The following EIF2AK2 variants were observed in gnomAD, a reference collection of about 807,000 sequenced individuals.
The protein encoded by EIF2AK2 is eukaryotic translation initiation factor 2 alpha kinase 2, also known as interferon-induced, double-stranded RNA-activated protein kinase.
Under a neutral mutation model 70.5 loss-of-function variants are expected in EIF2AK2, and 40 were observed. The observed-to-expected ratio is 0.57, with a 90% CI of 0.44 to 0.74. The LOEUF (loss-of-function observed/expected upper bound fraction) is 0.74. EIF2AK2 is among the 30% of genes least tolerant of loss of function. The pLI, the probability that EIF2AK2 is intolerant of heterozygous loss-of-function variation, is 0.00. For missense variants in EIF2AK2, 555 were observed against 644.3 expected (o/e 0.86, Z 1.50); for synonymous variants, 198 against 220.9 (o/e 0.90, Z 0.92).
intron 10 of EIF2AK2, among the ~76,000 whole-genome samples, chr2:37,126,652 T>C (rs558636150): frequency 2.0e-5 from 3 of 152,136 alleles, no homozygotes; most frequent in Non-Finnish European, 4.4e-5. Flanking sequence ...AGTCAACTCC[T>C]GGCTTTTCAA....
At position 37,117,872 on chromosome 2, in the gene EIF2AK2, G is replaced by T. The variant is rs541557255; in HGVS notation, c.1248+2087C>A. ...CTGTGTTAGGTAAAGACCATTCTCT[G>T]GCAAAACCACCTACAGCTGCTATTT... On this transcript the variant is annotated intron_variant, in intron 13 of 16. Coordinates refer to ENST00000233057, the MANE Select transcript of EIF2AK2 (RefSeq NM_001135651.3). Among the ~76,000 whole-genome samples, 5 of 152,274 alleles carry T rather than the reference G, an allele frequency of 3.3e-5. No homozygotes were observed. The East Asian group carries it at 9.7e-4, about 29-fold the overall frequency.
rs1159882073 is a variant in EIF2AK2 at position 37,103,163 on chromosome 2, A to G, written c.*4110T>C. 2 of 151,440 alleles carry G rather than the reference A, an allele frequency of 1.3e-5. No homozygotes were observed. The highest frequency in any genetic ancestry group is 4.9e-5 in the African/African-American group (2 of 41,224). The allele number at this position is 151,440 out of a possible 1,614,324, so 9.4% of individuals were successfully genotyped here. On this transcript the variant is annotated 3_prime_UTR_variant, in exon 17 of 17. Coordinates refer to ENST00000233057, the MANE Select transcript of EIF2AK2 (RefSeq NM_001135651.3). Reference sequence around the variant, plus strand: ...GAAGTTGCTAAGAAATGCTATATTCATTTAATAAGAGTAGGAATATATATA... The same window carrying G: ...GAAGTTGCTAAGAAATGCTATATTCGTTTAATAAGAGTAGGAATATATATA...
intron 4 of EIF2AK2, among the ~76,000 whole-genome samples, chr2:37,144,579 T>G (rs1370286117): frequency 6.6e-6 from 1 of 151,848 alleles, no homozygotes; most frequent in Non-Finnish European, 1.5e-5. Flanking sequence ...TGTTGTAATT[T>G]TTTTTCTTTC....
intron 10 of EIF2AK2, among the ~76,000 whole-genome samples, chr2:37,131,368 C>T (rs999059300): frequency 1.3e-5 from 2 of 152,200 alleles, no homozygotes; most frequent in African/African-American, 2.4e-5. Context: ...TTTACAAAAC[C>T]TGGCCCCTTT....
At chr2:37,135,963 C>T (rs1041718620) in intron 9 of EIF2AK2, among the ~76,000 whole-genome samples, 1 of 152,166 alleles carries the variant, frequency 6.6e-6, no homozygotes, top group Non-Finnish European at 1.5e-5. Flanking sequence ...TATATACTTA[C>T]CGTTCTCCTC....
rs2148656674 is a variant in EIF2AK2, at chr2:37,099,909, C to T, written c.*7364G>A. On this transcript the variant is annotated 3_prime_UTR_variant, in exon 17 of 17. Transcript: ENST00000233057. ...AGTGAAAAAGACCACATGTATGATT[C>T]CATTTATATGAAATGTCTAGCATGG... is the stretch of plus-strand genomic sequence containing the variant. 6.6e-6 allele frequency: 1 copy of T among 152,220 alleles called. No homozygotes were observed. The highest frequency in any genetic ancestry group is 1.9e-4 in the East Asian group (1 of 5,182). 9.4% of individuals were successfully genotyped at this position (152,220 alleles called of 1,614,324 possible).
intron 10 of EIF2AK2, among the ~76,000 whole-genome samples, chr2:37,126,967 G>GAAAAAA (rs57802509): frequency 5.4e-4 from 28 of 52,168 alleles, no homozygotes; most frequent in South Asian, 8.9e-4. Context: ...CAAAAAAACA[G>GAAAAAA]AAAAAAAAAA....
intron 15 of EIF2AK2, among the ~76,000 whole-genome samples, chr2:37,107,828 A>G (rs374960675): frequency 1.4e-4 from 22 of 152,260 alleles, no homozygotes; most frequent in African/African-American, 5.1e-4. Context: ...TGACTCCAGG[A>G]AAGTTCCCTT....
At chr2:37,138,997 G>C (rs1675227644) in intron 6 of EIF2AK2, among the ~76,000 whole-genome samples, 1 of 147,600 alleles carries the variant, frequency 6.8e-6, no homozygotes, top group African/African-American at 2.5e-5. Context: ...TGGTTTTGCT[G>C]TGTTGCCCCG....
intron 12 of EIF2AK2, among the ~76,000 whole-genome samples, chr2:37,121,495 T>C (rs1674548604): frequency 6.6e-6 from 1 of 151,970 alleles, no homozygotes; most frequent in Admixed American, 6.6e-5. Flanking sequence ...CACTATATCC[T>C]TGCCGTCACG....
rs1673955816 is a variant in EIF2AK2 at position 37,106,069 on chromosome 2, T to A, written c.*1204A>T. On this transcript the variant is annotated 3_prime_UTR_variant, in exon 17 of 17. Coordinates refer to ENST00000233057, the MANE Select transcript of EIF2AK2 (RefSeq NM_001135651.3). ...CCAGCTTAAGGAAGTTACCATTACC[T>A]TTGAAAGTCCATTTCCCCAATCACA... The A allele has an allele frequency of 6.6e-6, 1 of 152,250 alleles. No homozygotes were observed. The highest frequency in any genetic ancestry group is 1.5e-5 in the Non-Finnish European group (1 of 68,034). The allele number at this position is 152,250 out of a possible 1,614,324, so 9.4% of individuals were successfully genotyped here. A position where few individuals can be genotyped will look rare whatever the true frequency, so the allele number is the denominator to read the frequency against.
intron 1 of EIF2AK2, among the ~76,000 whole-genome samples, chr2:37,153,551 C>T (rs1485384632): frequency 6.6e-6 from 1 of 151,968 alleles, no homozygotes; most frequent in African/African-American, 2.4e-5. Flanking sequence ...TTTGCCTGTT[C>T]TAGGTACCTC....
chr2:37,139,482 G>A, intron 6 of EIF2AK2, 149 bp downstream of exon 6: 4 of 1,134,250 alleles, frequency 3.5e-6, no homozygotes, highest in Non-Finnish European at 4.9e-6. Flanking sequence ...ATGGCCCCAT[G>A]GTGCATGGCT....
At chr2:37,154,124 C>G (rs1675839011) in intron 1 of EIF2AK2, among the ~76,000 whole-genome samples, 1 of 152,056 alleles carries the variant, frequency 6.6e-6, no homozygotes, top group Non-Finnish European at 1.5e-5. Flanking sequence ...GTCGGGACTT[C>G]AAGACCAGCC....
chr2:37,140,873 T>C (rs1010508287), intron 5 of EIF2AK2, among the ~76,000 whole-genome samples: 1 of 150,250 alleles, frequency 6.7e-6, no homozygotes, highest in Non-Finnish European at 1.5e-5. Context: ...GTAGATATTT[T>C]TTTTCTTCTT....
intron 1 of EIF2AK2, among the ~76,000 whole-genome samples, chr2:37,153,900 T>C (rs1195276447): frequency 1.3e-5 from 2 of 152,230 alleles, no homozygotes; most frequent in Admixed American, 6.5e-5. Context: ...ACCAAATTGT[T>C]TTCCACAGTG....
At chr2:37,156,414 G>C (rs1298741214) in intron 1 of EIF2AK2, among the ~76,000 whole-genome samples, 2 of 152,156 alleles carry the variant, frequency 1.3e-5, no homozygotes, top group African/African-American at 2.4e-5. Flanking sequence ...GGAGGTTCAG[G>C]GGTGAGGATA....
chr2:37,133,073 C>A (rs1027327267), intron 10 of EIF2AK2, among the ~76,000 whole-genome samples: 1 of 152,128 alleles, frequency 6.6e-6, no homozygotes, highest in African/African-American at 2.4e-5. Context: ...TACGAATCAC[C>A]TGGAAGCTAC....
chr2:37,152,070 AAAC>A (rs1675764417), intron 1 of EIF2AK2, among the ~76,000 whole-genome samples: 1 of 152,370 alleles, frequency 6.6e-6, no homozygotes, highest in East Asian at 1.9e-4. Flanking sequence ...CCATCTCAAA[AAAC>A]AACAACCACA....
Sources: allele counts gnomAD v4.1 joint callset (sites outside exome capture counted in the v4.1 genomes callset), GRCh38; gene constraint gnomAD v4.1.1; transcripts MANE v1.5; gene names NCBI Gene and HGNC (gene_info 2026-07-23, HGNC 2026-07-21).